FNIP2: variants seen among roughly 807,000 people sequenced by gnomAD.
FNIP2 encodes the protein folliculin-interacting protein 2.
A neutral mutation model predicts 108.7 loss-of-function variants in FNIP2; 32 were observed. That is an observed-to-expected ratio of 0.29 (90% confidence interval 0.22 to 0.40). The LOEUF is 0.40. Among genes scored for constraint, FNIP2 ranks in the 10% least tolerant of loss-of-function variants. The probability of loss-of-function intolerance (pLI) is 1.00; values close to 1 mark genes in which losing one functional copy is unlikely to be tolerated. For synonymous variants in FNIP2, 480 were observed against 496.7 expected (o/e 0.97, Z 0.45); for missense variants, 1,202 against 1,381.6 (o/e 0.87, Z 2.06).
At chr4:158,861,995 A>G (rs1780326778) in intron 12 of FNIP2, among the ~76,000 whole-genome samples, 1 of 152,188 alleles carries the variant, frequency 6.6e-6, no homozygotes, top group African/African-American at 2.4e-5. Flanking sequence ...TTAAAGCAGT[A>G]TAAGCCAACT....
chr4:158,801,730 A>G (rs972282504), intron 1 of FNIP2, among the ~76,000 whole-genome samples: 4 of 152,168 alleles, frequency 2.6e-5, no homozygotes, highest in African/African-American at 4.8e-5. Flanking sequence ...TCTACCCTAT[A>G]TGACTGAATT....
At chr4:158,873,879 C>T (rs1781104568) in intron 14 of FNIP2, among the ~76,000 whole-genome samples, 1 of 152,168 alleles carries the variant, frequency 6.6e-6, no homozygotes, top group African/African-American at 2.4e-5. Flanking sequence ...TTCCTTTTGA[C>T]TTTAAATGGA....
At position 158,847,850 on chromosome 4, in the gene FNIP2, A is replaced by G. The variant is rs116194590; in HGVS notation, c.728-3471A>G. Among the ~76,000 whole-genome samples, 535 of 152,310 alleles carry G rather than the reference A, an allele frequency of 3.5e-3. 4 individuals are homozygous for G. Among genetic ancestry groups the G allele is most frequent in the African/African-American group, 0.012 (500 of 41,568 alleles). ...CCTTGGGCGTTAAGTGAACATCACTATAGGCTGGCAGTAGCCACTATGGGC... is the reference window on the plus strand; with the variant it reads ...CCTTGGGCGTTAAGTGAACATCACTGTAGGCTGGCAGTAGCCACTATGGGC... On this transcript the variant is annotated intron_variant, in intron 7 of 16. Transcript: ENST00000264433.
At chr4:158,838,147 C>A (rs1045735279) in intron 7 of FNIP2, among the ~76,000 whole-genome samples, 1 of 151,872 alleles carries the variant, frequency 6.6e-6, no homozygotes, top group Non-Finnish European at 1.5e-5. Flanking sequence ...AGCAGGAGCT[C>A]CAAGTGTGAG....
intron 7 of FNIP2, among the ~76,000 whole-genome samples, chr4:158,851,017 C>A (rs1560800670): frequency 6.6e-6 from 1 of 152,094 alleles, no homozygotes; most frequent in South Asian, 2.1e-4. Context: ...TCTCCCCCTG[C>A]TGGATATGAC....
chr4:158,828,809 A>G (rs1217000025), intron 2 of FNIP2, among the ~76,000 whole-genome samples: 8 of 152,252 alleles, frequency 5.3e-5, no homozygotes, highest in African/African-American at 1.7e-4. Context: ...ACAGAGGTCA[A>G]TTATGTGAAT....
At chr4:158,845,525 A>G (rs1483957984) in intron 7 of FNIP2, among the ~76,000 whole-genome samples, 1 of 152,212 alleles carries the variant, frequency 6.6e-6, no homozygotes, top group Non-Finnish European at 1.5e-5. Flanking sequence ...CAGGCCACCA[A>G]GTTACTGGAC....
intron 7 of FNIP2, among the ~76,000 whole-genome samples, chr4:158,848,918 A>C (rs1779550567): frequency 6.6e-6 from 1 of 152,176 alleles, no homozygotes; most frequent in Non-Finnish European, 1.5e-5. Context: ...TTTTATGCTT[A>C]GATTTGATGA....
chr4:158,791,801 A>T (rs1327345685), intron 1 of FNIP2, among the ~76,000 whole-genome samples: 5 of 152,100 alleles, frequency 3.3e-5, no homozygotes, highest in Non-Finnish European at 7.4e-5. Flanking sequence ...CTGCAGTCTG[A>T]GGGTTATATA....
In FNIP2 at chr4:158,891,600, T is replaced by C. The variant is rs1205188644; in HGVS notation, c.3104T>C (p.Leu1035Pro). Residue 1035 changes from leucine to proline, a missense_variant, in exon 15 of 17, where the codon CTT becomes CCT. This residue lies in a region of FNIP2 where 142 missense variants were observed against 183.8 expected (regional missense o/e 0.77). Transcript: ENST00000264433. ...GTCTCTAGTCAGGTGTCCAGTTTGC[T>C]TCAGTCCATTTTACAGCTCTATAAG... ...VLVSSQVSSL[L>P]QSILQLYKLH... is the part of the protein sequence containing the mutation. The C allele has an allele frequency of 6.2e-7, 1 of 1,613,034 alleles. No individual in the cohort carries two copies.
chr4:158,854,303 T>A (rs1342755573), intron 8 of FNIP2, among the ~76,000 whole-genome samples: 3 of 152,222 alleles, frequency 2.0e-5, no homozygotes, highest in African/African-American at 7.2e-5. Flanking sequence ...CCCACCCTGG[T>A]TCCTGGAGCT....
intron 1 of FNIP2, among the ~76,000 whole-genome samples, chr4:158,780,810 A>G (rs1776017169): frequency 6.6e-6 from 1 of 152,338 alleles, no homozygotes; most frequent in South Asian, 2.1e-4. Context: ...AGGCAGGCAG[A>G]TCATTTGAGG....
At chr4:158,894,021 C>T (rs2126777312) in intron 15 of FNIP2, among the ~76,000 whole-genome samples, 1 of 152,018 alleles carries the variant, frequency 6.6e-6, no homozygotes, top group South Asian at 2.1e-4. Context: ...CTTTTAGAAC[C>T]TTCAATACAA....
In FNIP2 at chr4:158,905,779, A is replaced by T. The variant is rs1005174738; in HGVS notation, c.*1235A>T. ...ACCGTGAAACAGACTATGTACTGAC[A>T]TCCAGGGTAAAGTAAAAGACTTTTA... On this transcript the variant is annotated 3_prime_UTR_variant, in exon 17 of 17. Transcript: ENST00000264433. The T allele has an allele frequency of 5.3e-5, 8 of 152,242 alleles. No homozygotes were observed. The highest frequency in any genetic ancestry group is 3.9e-4 in the Admixed American group (6 of 15,294). The allele number at this position is 152,242 out of a possible 1,614,324, so 9.4% of individuals were successfully genotyped here.
intron 3 of FNIP2, among the ~76,000 whole-genome samples, chr4:158,831,226 A>G (rs1272759740): frequency 2.0e-5 from 3 of 152,204 alleles, no homozygotes; most frequent in Non-Finnish European, 4.4e-5. Flanking sequence ...GCTAAGAGGT[A>G]AAGTCAGGCT....
At chr4:158,782,419 C>T (rs1392061941) in intron 1 of FNIP2, among the ~76,000 whole-genome samples, 1 of 151,728 alleles carries the variant, frequency 6.6e-6, no homozygotes, top group Non-Finnish European at 1.5e-5. Flanking sequence ...TGCTCCCAGC[C>T]TTTAAGCTTT....
intron 14 of FNIP2, chr4:158,872,260 C>G: frequency 1.0e-6 from 1 of 985,406 alleles, no homozygotes; most frequent in Admixed American, 6.1e-5. Flanking sequence ...ATCTGTAAAA[C>G]CATTCATGAA....
chr4:158,899,222 T>C (rs1782977832), intron 16 of FNIP2, among the ~76,000 whole-genome samples: 1 of 152,152 alleles, frequency 6.6e-6, no homozygotes, highest in South Asian at 2.1e-4. Flanking sequence ...TGGATAAGCT[T>C]TTTGATGTGC....
intron 1 of FNIP2, among the ~76,000 whole-genome samples, chr4:158,769,900 A>C (rs1214458520): frequency 6.6e-6 from 1 of 152,192 alleles, no homozygotes; most frequent in South Asian, 2.1e-4. Flanking sequence ...TGCAATTATG[A>C]AATTTCCGAG....
Sources: allele counts gnomAD v4.1 joint callset (sites outside exome capture counted in the v4.1 genomes callset), GRCh38; gene constraint gnomAD v4.1.1; regional missense constraint gnomAD v4.1.1; transcripts MANE v1.5; gene names NCBI Gene and HGNC (gene_info 2026-07-23, HGNC 2026-07-21).